The following ETFDH variants were observed in gnomAD, a reference collection of about 807,000 sequenced individuals.
ETFDH encodes the protein electron transfer flavoprotein dehydrogenase, also known as electron transfer flavoprotein-ubiquinone oxidoreductase, mitochondrial.
ETFDH carries 61 observed loss-of-function variants against 73.2 expected under a neutral mutation model. The ratio of observed to expected loss-of-function variants is 0.83; its 90% CI spans 0.68 to 1.03. ETFDH has a LOEUF of 1.03. Among genes scored for constraint, ETFDH ranks in the 50% least tolerant of loss-of-function variants. The pLI is 0.00. For missense variants in ETFDH, 685 were observed against 745.0 expected (o/e 0.92, Z 0.94); for synonymous variants, 243 against 253.3 (o/e 0.96, Z 0.39).
intron 5 of ETFDH, among the ~76,000 whole-genome samples, chr4:158,686,543 G>A (rs1248071366): frequency 6.6e-6 from 1 of 152,190 alleles, no homozygotes; most frequent in Non-Finnish European, 1.5e-5. Context: ...TTTTTGTGTA[G>A]CATTTCTTCC....
chr4:158,692,481 A>C (rs1376878801), intron 6 of ETFDH, among the ~76,000 whole-genome samples: 1 of 151,508 alleles, frequency 6.6e-6, no homozygotes, highest in East Asian at 1.9e-4. Context: ...CATCAGAATC[A>C]TGTGACATCT....
intron 8 of ETFDH, among the ~76,000 whole-genome samples, chr4:158,698,355 C>T (rs374325826): frequency 6.6e-6 from 1 of 152,176 alleles, no homozygotes; most frequent in Non-Finnish European, 1.5e-5. Context: ...GTCCAATGTT[C>T]ATCCCATCAC....
At chr4:158,691,663 A>C (rs556365399) in intron 6 of ETFDH, among the ~76,000 whole-genome samples, 11 of 152,286 alleles carry the variant, frequency 7.2e-5, no homozygotes, top group Admixed American at 5.9e-4. Context: ...TGATTTTAAC[A>C]TCTTTTGGTA....
chr4:158,675,085 T>C (rs977721045), intron 1 of ETFDH, among the ~76,000 whole-genome samples: 1 of 152,220 alleles, frequency 6.6e-6, no homozygotes, highest in African/African-American at 2.4e-5. Flanking sequence ...TCATACAATA[T>C]ATACTATTTA....
chr4:158,689,623 TATATATATATATA>T lies in ETFDH; in HGVS notation c.607-724_607-712del, dbSNP rs1561242372. ...ATATATATATATATATATATATATA[TATATATATATATA>T]TTGTGGGGGGGTGGGTTCATATCCA... On this transcript the variant is annotated intron_variant, in intron 5 of 12. Transcript: ENST00000511912. Among the ~76,000 whole-genome samples the T allele has an allele frequency of 1.6e-3, 188 of 116,156 alleles. 5 individuals are homozygous for T. The highest frequency in any genetic ancestry group is 8.8e-3 in the Middle Eastern group (2 of 226). 76.2% of individuals were successfully genotyped at this position (116,156 alleles called of 152,430 possible). A position where few individuals can be genotyped will look rare whatever the true frequency, so the allele number is the denominator to read the frequency against.
chr4:158,702,942 G>T (rs1774505269), intron 9 of ETFDH, among the ~76,000 whole-genome samples: 1 of 152,056 alleles, frequency 6.6e-6, no homozygotes, highest in African/African-American at 2.4e-5. Flanking sequence ...CACCAACAAT[G>T]TGTGAGTTTT....
intron 6 of ETFDH, 121 bp downstream of exon 6, chr4:158,690,546 G>A (rs1226205450): frequency 1.3e-6 from 1 of 741,146 alleles, no homozygotes; most frequent in Non-Finnish European, 2.5e-6. Context: ...GGGCTTCGTG[G>A]TATACACCTG....
chr4:158,692,905 A>ATG (rs1774216285), intron 6 of ETFDH, among the ~76,000 whole-genome samples: 3 of 148,278 alleles, frequency 2.0e-5, no homozygotes, highest in Admixed American at 1.3e-4. Context: ...ATATATATAT[A>ATG]TATGGTTTTT....
chr4:158,689,182 T>G (rs184352853), intron 5 of ETFDH, among the ~76,000 whole-genome samples: 1 of 152,240 alleles, frequency 6.6e-6, no homozygotes, highest in African/African-American at 2.4e-5. Flanking sequence ...CAGTTTTTTT[T>G]ATTTGTTTTT....
Position 158,689,595 on chromosome 4 carries a change from CATATATATATATAT to C in ETFDH, c.607-724_607-711del, listed in dbSNP as rs573706904. ...TTTTCAGGATCTCAAATAAAACCTT[CATATATATATATAT>C]ATATATATATATATATATATATATA... On this transcript the variant is annotated intron_variant, in intron 5 of 12. Transcript: ENST00000511912. 4.2e-3 allele frequency among the ~76,000 whole-genome samples: 136 copies of C among 32,766 alleles called. 4 individuals are homozygous for C. Among genetic ancestry groups the C allele is most frequent in the African/African-American group, 0.013 (125 of 9,748 alleles). 21.5% of individuals were successfully genotyped at this position (32,766 alleles called of 152,430 possible). A position where few individuals can be genotyped will look rare whatever the true frequency, so the allele number is the denominator to read the frequency against.
intron 9 of ETFDH, chr4:158,700,963 T>C (rs1330472542): frequency 6.6e-6 from 1 of 152,220 alleles, no homozygotes; most frequent in Admixed American, 6.5e-5. Context: ...TTCAGTTTTG[T>C]TTATTTTGAG....
intron 5 of ETFDH, among the ~76,000 whole-genome samples, chr4:158,689,046 A>G (rs1253184907): frequency 6.6e-6 from 1 of 152,222 alleles, no homozygotes; most frequent in African/African-American, 2.4e-5. Flanking sequence ...AAGCCCTAAA[A>G]AAGACATTCC....
rs1172356159 is a variant in ETFDH at position 158,685,143 on chromosome 4, G to A, written c.530G>A (p.Gly177Glu). 6.2e-7 allele frequency: 1 copy of A among 1,612,460 alleles called. No individual in the cohort carries two copies. The change falls in exon 5 of 13, where the codon GGA (glycine) becomes GAA (glutamate). Residue 177 changes from glycine (G) to glutamate (E), a missense_variant. By Grantham distance (98) the Gly-to-Glu change is moderately conservative. Around this residue, in one of 3 missense-constraint regions of ETFDH, gnomAD observed 405 missense variants for 399.3 expected, o/e 1.01. Coordinates refer to ENST00000511912, the MANE Select transcript of ETFDH (RefSeq NM_004453.4). Reference sequence around the variant, plus strand: ...CATGGCAATTACATTGTACGCTTGGGACATTTAGTGAGCTGGATGGGCGAA... The same window carrying A: ...CATGGCAATTACATTGTACGCTTGGAACATTTAGTGAGCTGGATGGGCGAA... ...NNHGNYIVRL[G>E]HLVSWMGEQA...
intron 1 of ETFDH, among the ~76,000 whole-genome samples, chr4:158,675,803 AT>A (rs2150302258): frequency 6.6e-6 from 1 of 151,832 alleles, no homozygotes; most frequent in South Asian, 2.1e-4. Flanking sequence ...AGGAACATTC[AT>A]GTGCAAGTTT....
chr4:158,677,363 A>C (rs1211481306), intron 1 of ETFDH, among the ~76,000 whole-genome samples: 7 of 152,232 alleles, frequency 4.6e-5, no homozygotes, highest in African/African-American at 1.7e-4. Flanking sequence ...AAGGCAGGAC[A>C]TCTCAAAAGT....
At chr4:158,690,507 C>A in intron 6 of ETFDH, 82 bp downstream of exon 6, 2 of 892,060 alleles carry the variant, frequency 2.2e-6, no homozygotes. Flanking sequence ...GAAACCCCAT[C>A]TCTCCAAAAA....
rs1774520584 is a variant in ETFDH at position 158,703,499 on chromosome 4, A to G, written c.1193A>G (p.Lys398Arg). Reference sequence around the variant, plus strand: ...GGTTTTATGAATGTTCCCAAGATCAAAGGTACTCACACAGCAATGAAAAGT... The same window carrying G: ...GGTTTTATGAATGTTCCCAAGATCAGAGGTACTCACACAGCAATGAAAAGT... ...SPGFMNVPKI[K>R]GTHTAMKSGI... The change falls in exon 10 of 13, where the codon AAA becomes AGA. Residue 398 changes from lysine (K) to arginine (R), a missense_variant. Around this residue, in one of 3 missense-constraint regions of ETFDH, gnomAD observed 79 missense variants for 120.5 expected, o/e 0.66. Coordinates refer to ENST00000511912, the MANE Select transcript of ETFDH (RefSeq NM_004453.4). The G allele has an allele frequency of 5.0e-6, 8 of 1,608,960 alleles. No individual in the cohort carries two copies. Among genetic ancestry groups the G allele is most frequent in the Non-Finnish European group, 6.8e-6 (8 of 1,175,508 alleles).
At position 158,684,028 on chromosome 4, in the gene ETFDH, C is replaced by T. The variant is rs150995478; in HGVS notation, c.406-564C>T. Among the ~76,000 whole-genome samples the T allele has an allele frequency of 7.8e-4, 118 of 152,212 alleles. No homozygotes were observed. In the East Asian group the frequency reaches 0.022, roughly 28 times the overall value. On this transcript the variant is annotated intron_variant, in intron 3 of 12. Coordinates refer to ENST00000511912, the MANE Select transcript of ETFDH (RefSeq NM_004453.4). The stretch of plus-strand genomic sequence containing the variant: ...CAGAGACAAAAAGACATGAGGGTCA[C>T]GTTTCAAAGGTGTTTCCAAGACTCC...
chr4:158,703,271 C>A, intron 9 of ETFDH, 152 bp from the exon 10 acceptor site: 1 of 633,230 alleles, frequency 1.6e-6, no homozygotes. Context: ...ACTGCCCTTG[C>A]TCTGTTTTAT....
Sources: gnomAD v4.1 joint callset for allele counts (sites outside exome capture counted in the v4.1 genomes callset) on GRCh38, gnomAD v4.1.1 for gene constraint, gnomAD v4.1.1 regional missense constraint, MANE v1.5 for transcripts, NCBI Gene and HGNC (gene_info 2026-07-23, HGNC 2026-07-21) for gene names.